The following RYR2 variants were observed in gnomAD, a reference collection of about 807,000 sequenced individuals.
The protein encoded by RYR2 is ryanodine receptor 2, also known as cardiac muscle ryanodine receptor-calcium release channel.
RYR2 carries 227 observed loss-of-function variants against 601.1 expected under a neutral mutation model. That is an observed-to-expected ratio of 0.38 (90% confidence interval 0.34 to 0.42). The LOEUF is 0.42. Ranked by LOEUF, RYR2 falls within the 10% of genes least tolerant of loss-of-function variation. The pLI, the probability that RYR2 is intolerant of heterozygous loss-of-function variation, is 1.00. For missense variants in RYR2, 4,646 were observed against 6,156.5 expected (o/e 0.75, Z 8.21); for synonymous variants, 2,223 against 2,175.1 (o/e 1.02, Z -0.61).
At chr1:237,157,550 A>C (rs1675539243) in intron 1 of RYR2, among the ~76,000 whole-genome samples, 1 of 152,204 alleles carries the variant, frequency 6.6e-6, no homozygotes, top group South Asian at 2.1e-4. Context: ...AATATTCGTC[A>C]GCTGTAAAAA....
At chr1:237,416,252 C>T (rs1246901073) in intron 10 of RYR2, among the ~76,000 whole-genome samples, 1 of 152,064 alleles carries the variant, frequency 6.6e-6, no homozygotes, top group Non-Finnish European at 1.5e-5. Context: ...GTCTGTGAGG[C>T]AGGATAGGCT....
intron 27 of RYR2, among the ~76,000 whole-genome samples, chr1:237,556,786 G>T (rs1439812653): frequency 6.9e-6 from 1 of 145,518 alleles, no homozygotes; most frequent in Non-Finnish European, 1.5e-5. Flanking sequence ...AACACAGGGG[G>T]TTTAAATCAG....
intron 73 of RYR2, 115 bp from the exon 74 acceptor site, chr1:237,723,013 G>A (rs1048539404): frequency 3.5e-6 from 3 of 860,766 alleles, no homozygotes; most frequent in Non-Finnish European, 5.4e-6. Context: ...TGTCTTAACT[G>A]GTAAACACTG....
At chr1:237,562,378 C>T (rs1175395090) in intron 27 of RYR2, among the ~76,000 whole-genome samples, 2 of 152,238 alleles carry the variant, frequency 1.3e-5, no homozygotes, top group East Asian at 3.9e-4. Context: ...CTTCTTGTAA[C>T]TTAAGATTTT....
chr1:237,765,902 A>G (rs563109940), intron 84 of RYR2, among the ~76,000 whole-genome samples: 1 of 152,286 alleles, frequency 6.6e-6, no homozygotes, highest in African/African-American at 2.4e-5. Context: ...ACAGACTTGT[A>G]AACAAATAAA....
rs1573466838 is a variant in RYR2 at position 237,674,810 on chromosome 1, T to C, written c.8794T>C (p.Tyr2932His). Reference protein sequence around the residue: ...AYSFLQQLIRYVDEAHQYILE... With the variant: ...AYSFLQQLIRHVDEAHQYILE... ...TAGTTTCCTCCAACAACTCATTCGC[T>C]ATGTGGATGAAGCCCATCAGTATAT... The change falls in exon 60 of 105, where the codon TAT (tyrosine) becomes CAT (histidine). Residue 2932 changes from tyrosine to histidine, a missense_variant. Physicochemically the swap from Tyr to His is moderately conservative, Grantham distance 83. Transcript: ENST00000366574. 1.2e-6 allele frequency: 2 copies of C among 1,610,558 alleles called. No homozygotes were observed. Among genetic ancestry groups the C allele is most frequent in the Non-Finnish European group, 1.7e-6 (2 of 1,177,146 alleles).
chr1:237,149,159 A>C (rs1027365121), intron 1 of RYR2, among the ~76,000 whole-genome samples: 2 of 152,158 alleles, frequency 1.3e-5, no homozygotes, highest in African/African-American at 4.8e-5. Flanking sequence ...TAGAGGAAAT[A>C]TTTTTAGAGC....
intron 91 of RYR2, among the ~76,000 whole-genome samples, chr1:237,787,773 C>T (rs1657822035): frequency 6.6e-6 from 1 of 152,066 alleles, no homozygotes; most frequent in South Asian, 2.1e-4. Context: ...TATATTTCAA[C>T]TTCACAGAAT....
intron 24 of RYR2, among the ~76,000 whole-genome samples, chr1:237,525,648 A>G (rs769834245): frequency 1.3e-4 from 19 of 151,852 alleles, no homozygotes; most frequent in Non-Finnish European, 2.6e-4. Flanking sequence ...ACGGGGTTTC[A>G]CCATGTTGTT....
At chr1:237,244,653 G>A (rs943956636) in intron 1 of RYR2, among the ~76,000 whole-genome samples, 3 of 151,964 alleles carry the variant, frequency 2.0e-5, no homozygotes, top group Non-Finnish European at 2.9e-5. Context: ...TTTTCCTCTC[G>A]GAATCCCGTC....
In RYR2 at chr1:237,445,539, A is replaced by G. The variant is rs1037783140; in HGVS notation, c.1292+17A>G. 1 of 1,612,634 alleles carries G rather than the reference A, an allele frequency of 6.2e-7. No individual in the cohort carries two copies. The highest frequency in any genetic ancestry group is 8.5e-7 in the Non-Finnish European group (1 of 1,179,216). On this transcript the variant is annotated intron_variant, in intron 14 of 104. Coordinates refer to ENST00000366574, the MANE Select transcript of RYR2 (RefSeq NM_001035.3). ...ATTTATAAGGTACTTTTTCTTTTGTAGGCGTAGTTGTTTGATACTTCATTT... is the reference window on the plus strand; with the variant it reads ...ATTTATAAGGTACTTTTTCTTTTGTGGGCGTAGTTGTTTGATACTTCATTT...
intron 29 of RYR2, among the ~76,000 whole-genome samples, chr1:237,577,664 A>G (rs1673417000): frequency 6.6e-6 from 1 of 151,844 alleles, no homozygotes. Context: ...TCCAGAAGGA[A>G]CTCAGCCCTG....
intron 16 of RYR2, 33 bp downstream of exon 16, chr1:237,456,768 G>A (rs1326956802): frequency 6.2e-7 from 1 of 1,609,622 alleles, no homozygotes; most frequent in East Asian, 2.2e-5. Context: ...TAGCAACAGA[G>A]TTATCTATTT....
chr1:237,795,824 A>G (rs201695854), intron 96 of RYR2, among the ~76,000 whole-genome samples: 7,819 of 135,680 alleles, frequency 0.058, 291 homozygotes, highest in African/African-American at 0.11. Flanking sequence ...ACAGGTATGT[A>G]TGTGTGTGTG....
intron 2 of RYR2, among the ~76,000 whole-genome samples, chr1:237,284,846 T>G (rs2149396362): frequency 6.6e-6 from 1 of 152,140 alleles, no homozygotes; most frequent in South Asian, 2.1e-4. Flanking sequence ...TGTTGGTGTA[T>G]AGAAGAGCTA....
intron 1 of RYR2, among the ~76,000 whole-genome samples, chr1:237,130,820 C>T (rs951697526): frequency 5.9e-5 from 9 of 152,202 alleles, no homozygotes; most frequent in African/African-American, 2.2e-4. Flanking sequence ...CGCCATATGC[C>T]TCAAATTATT....
chr1:237,664,772 C>T (rs572928922), intron 56 of RYR2, among the ~76,000 whole-genome samples: 1 of 152,254 alleles, frequency 6.6e-6, no homozygotes, highest in South Asian at 2.1e-4. Flanking sequence ...TAGCTTGTGT[C>T]CCCAAATCAA....
rs371753590 is a variant in RYR2 at position 237,643,421 on chromosome 1, C to G, written c.7316C>G (p.Ala2439Gly). 1.9e-6 allele frequency: 3 copies of G among 1,613,908 alleles called. No homozygotes were observed. The highest frequency in any genetic ancestry group is 1.7e-6 in the Non-Finnish European group (2 of 1,179,852). ...GATTTGGTGGGCGTTATCAGCATCGCTTTTCAGATGCCAACAATAGCCAAA... is the reference window on the plus strand; with the variant it reads ...GATTTGGTGGGCGTTATCAGCATCGGTTTTCAGATGCCAACAATAGCCAAA... ...LGDLVGVISI[A>G]FQMPTIAKDG... The change falls in exon 48 of 105, where the codon GCT becomes GGT. Residue 2439 changes from alanine to glycine, a missense_variant. Physicochemically the swap from Ala to Gly is moderately conservative, Grantham distance 60 (BLOSUM62 0). Around this residue, in one of 17 missense-constraint regions of RYR2, gnomAD observed 1,497 missense variants for 1,842.6 expected, o/e 0.81. Coordinates refer to ENST00000366574, the MANE Select transcript of RYR2 (RefSeq NM_001035.3).
At chr1:237,064,174 C>A (rs1663240917) in intron 1 of RYR2, among the ~76,000 whole-genome samples, 2 of 152,006 alleles carry the variant, frequency 1.3e-5, no homozygotes, top group South Asian at 4.2e-4. Flanking sequence ...TCTGTATTTT[C>A]ATTCCTTTTA....
Sources: allele counts gnomAD v4.1 joint callset (sites outside exome capture counted in the v4.1 genomes callset), GRCh38; gene constraint gnomAD v4.1.1; regional missense constraint gnomAD v4.1.1; transcripts MANE v1.5; gene names NCBI Gene and HGNC (gene_info 2026-07-23, HGNC 2026-07-21).